The following PLEKHH2 variants were observed in gnomAD, a reference collection of about 807,000 sequenced individuals.
PLEKHH2 encodes the protein pleckstrin homology domain-containing family H member 2.
PLEKHH2 carries 129 observed loss-of-function variants against 187.9 expected under a neutral mutation model. The observed-to-expected ratio is 0.69, with a 90% CI of 0.59 to 0.79. The LOEUF is 0.79. Among genes scored for constraint, PLEKHH2 ranks in the 30% least tolerant of loss-of-function variants. PLEKHH2 has a pLI of 0.00. For missense variants in PLEKHH2, 2,076 were observed against 1,751.2 expected, an observed-to-expected ratio of 1.19 and a Z score of -3.31; for synonymous variants, 686 against 605.6, an observed-to-expected ratio of 1.13 and a Z score of -1.95.
chr2:43,702,792 A>C (rs144211002), intron 8 of PLEKHH2, among the ~76,000 whole-genome samples: 2 of 152,224 alleles, frequency 1.3e-5, no homozygotes, highest in African/African-American at 4.8e-5. Context: ...ATACCATGCA[A>C]ATTACAATAG....
At chr2:43,686,371 A>G (rs1436590403) in intron 3 of PLEKHH2, among the ~76,000 whole-genome samples, 1 of 152,022 alleles carries the variant, frequency 6.6e-6, no homozygotes, top group Non-Finnish European at 1.5e-5. Context: ...TAATTTTTGT[A>G]TTTATAGTAG....
chr2:43,677,173 A>T (rs1014777625), intron 2 of PLEKHH2, among the ~76,000 whole-genome samples: 2 of 152,086 alleles, frequency 1.3e-5, no homozygotes, highest in Admixed American at 6.6e-5. Flanking sequence ...GAACTAGTTT[A>T]AAATATCCAA....
At chr2:43,693,723 C>CAAAAA (rs70965316) in intron 4 of PLEKHH2, among the ~76,000 whole-genome samples, 4 of 69,708 alleles carry the variant, frequency 5.7e-5, no homozygotes, top group Non-Finnish European at 7.6e-5. Flanking sequence ...GACTCCATCT[C>CAAAAA]AAAAAAAAAA....
rs1314767038 is a variant in PLEKHH2 at position 43,767,848 on chromosome 2, G to T, written c.*2250G>T. 1.3e-5 allele frequency: 2 copies of T among 152,590 alleles called. No individual in the cohort carries two copies. Among genetic ancestry groups the T allele is most frequent in the Non-Finnish European group, 2.9e-5 (2 of 68,002 alleles). The allele number at this position is 152,590 out of a possible 1,614,324, so 9.5% of individuals were successfully genotyped here. A position where few individuals can be genotyped will look rare whatever the true frequency, so the allele number is the denominator to read the frequency against. On this transcript the variant is annotated 3_prime_UTR_variant, in exon 30 of 30. Transcript: ENST00000282406. ...GATGATGTGAAAATTTTATTTTCTGGGAAATTATATAGCCATTCAAAAATT... is the reference window on the plus strand; with the variant it reads ...GATGATGTGAAAATTTTATTTTCTGTGAAATTATATAGCCATTCAAAAATT...
intron 10 of PLEKHH2, among the ~76,000 whole-genome samples, chr2:43,707,145 G>A (rs987805909): frequency 1.0e-4 from 14 of 135,438 alleles, no homozygotes; most frequent in East Asian, 2.0e-4. Flanking sequence ...GCAGTGAACC[G>A]AGATCATGTC....
intron 2 of PLEKHH2, among the ~76,000 whole-genome samples, chr2:43,667,976 A>G (rs1457249444): frequency 2.0e-5 from 3 of 152,294 alleles, no homozygotes; most frequent in African/African-American, 7.2e-5. Context: ...AAAAGTTTGG[A>G]AAAATGGAGA....
intron 16 of PLEKHH2, among the ~76,000 whole-genome samples, chr2:43,725,604 GTCTA>G (rs1462517237): frequency 6.6e-6 from 1 of 152,186 alleles, no homozygotes; most frequent in African/African-American, 2.4e-5. Flanking sequence ...TACCCTAACT[GTCTA>G]TCTAAATAAT....
intron 17 of PLEKHH2, among the ~76,000 whole-genome samples, chr2:43,727,803 C>A (rs1670838708): frequency 6.6e-6 from 1 of 152,136 alleles, no homozygotes; most frequent in Non-Finnish European, 1.5e-5. Context: ...TATCTCTAAC[C>A]ACAGAGCCTG....
chr2:43,692,718 C>T, intron 4 of PLEKHH2, 55 bp downstream of exon 4: 1 of 1,532,400 alleles, frequency 6.5e-7, no homozygotes, highest in Non-Finnish European at 8.9e-7. Flanking sequence ...TGTGCATAAT[C>T]ACAAAGATTA....
rs376851824 is a variant in PLEKHH2 at position 43,710,584 on chromosome 2, C to CTTTTTTTTTTT, written c.2301+23_2301+33dup. 3.1e-5 allele frequency: 39 copies of CTTTTTTTTTTT among 1,242,572 alleles called. No individual in the cohort carries two copies. The highest frequency in any genetic ancestry group is 7.5e-5 in the South Asian group (4 of 53,002). 77.0% of individuals were successfully genotyped at this position (1,242,572 alleles called of 1,614,324 possible). The stretch of plus-strand genomic sequence containing the variant: ...ACAAACAAACAGTTCAGGTACTTAA[C>CTTTTTTTTTTT]TTTTTTTTTTTTTTTTTTTTTTTTG... On this transcript the variant is annotated intron_variant, in intron 14 of 29. Coordinates refer to ENST00000282406, the MANE Select transcript of PLEKHH2 (RefSeq NM_172069.4).
chr2:43,688,543 A>G (rs1043333251), intron 3 of PLEKHH2, among the ~76,000 whole-genome samples: 2 of 152,214 alleles, frequency 1.3e-5, no homozygotes, highest in Non-Finnish European at 2.9e-5. Flanking sequence ...AATAATTACA[A>G]TGGGAGTAAT....
chr2:43,638,696 C>T (rs1487593371), intron 1 of PLEKHH2, among the ~76,000 whole-genome samples: 2 of 151,980 alleles, frequency 1.3e-5, no homozygotes, highest in Non-Finnish European at 2.9e-5. Flanking sequence ...ATATATATTC[C>T]CAATGTTATA....
At chr2:43,753,961 C>G (rs1482321790) in intron 25 of PLEKHH2, among the ~76,000 whole-genome samples, 1 of 152,082 alleles carries the variant, frequency 6.6e-6, no homozygotes, top group Non-Finnish European at 1.5e-5. Flanking sequence ...AGACAGTATT[C>G]CATAAAGAGA....
intron 2 of PLEKHH2, among the ~76,000 whole-genome samples, chr2:43,650,471 A>G (rs902149844): frequency 6.6e-6 from 1 of 151,892 alleles, no homozygotes; most frequent in Non-Finnish European, 1.5e-5. Context: ...TAGATTGGCT[A>G]TGGAATTGAC....
intron 11 of PLEKHH2, among the ~76,000 whole-genome samples, chr2:43,709,015 C>T (rs1208640272): frequency 6.6e-6 from 1 of 152,044 alleles, no homozygotes; most frequent in Non-Finnish European, 1.5e-5. Context: ...AAATAATTAC[C>T]TAAGTCCTTG....
chr2:43,736,687 A>C (rs766116596), intron 19 of PLEKHH2, among the ~76,000 whole-genome samples: 27 of 152,116 alleles, frequency 1.8e-4, no homozygotes, highest in Admixed American at 1.0e-3. Flanking sequence ...TAAAAAAATT[A>C]GCGAGTTGTG....
At chr2:43,693,415 A>T (rs1282777005) in intron 4 of PLEKHH2, among the ~76,000 whole-genome samples, 1 of 152,186 alleles carries the variant, frequency 6.6e-6, no homozygotes, top group Non-Finnish European at 1.5e-5. Context: ...CCATTTTTGA[A>T]CCACTTTATT....
At position 43,707,534 on chromosome 2, in the gene PLEKHH2, C is replaced by T; in HGVS notation, c.1955C>T (p.Ala652Val). ...RSRSGPGSPR[A>V]MKRGVSLSSV... ...AGGAGTGGGCCAGGCAGCCCCAGAG[C>T]CATGAAACGAGGTGAGGGAAAATCG... The change falls in exon 11 of 30, where the codon GCC (alanine) becomes GTC (valine). Residue 652 changes from alanine (A) to valine (V), a missense_variant. Coordinates refer to ENST00000282406, the MANE Select transcript of PLEKHH2 (RefSeq NM_172069.4). 6.2e-7 allele frequency: 1 copy of T among 1,613,830 alleles called. No homozygotes were observed. The highest frequency in any genetic ancestry group is 1.1e-5 in the South Asian group (1 of 91,034).
At chr2:43,745,019 A>G (rs1400169656) in intron 23 of PLEKHH2, among the ~76,000 whole-genome samples, 2 of 151,780 alleles carry the variant, frequency 1.3e-5, no homozygotes, top group Admixed American at 1.3e-4. Context: ...TGGCAATAAT[A>G]TATATAGAAC....
Sources: allele counts gnomAD v4.1 joint callset (sites outside exome capture counted in the v4.1 genomes callset), GRCh38; gene constraint gnomAD v4.1.1; transcripts MANE v1.5; gene names NCBI Gene and HGNC (gene_info 2026-07-23, HGNC 2026-07-21).